ZDHHC15: variants seen among roughly 807,000 people sequenced by gnomAD.
ZDHHC15 encodes palmitoyltransferase ZDHHC15.
ZDHHC15 carries 19 observed loss-of-function variants against 31.7 expected under a neutral mutation model. The observed-to-expected ratio is 0.60, with a 90% CI of 0.42 to 0.88. The LOEUF (loss-of-function observed/expected upper bound fraction) is 0.88, where lower values mean the gene tolerates loss of function less well. Among genes scored for constraint, ZDHHC15 ranks in the 40% least tolerant of loss-of-function variants. ZDHHC15 has a pLI of 0.00. For missense variants in ZDHHC15, 209 were observed against 251.2 expected (o/e 0.83, Z 1.14); for synonymous variants, 103 against 90.0 (o/e 1.14, Z -0.82).
At chrX:75,389,849 T>C (rs760209166) in intron 10 of ZDHHC15, among the ~76,000 whole-genome samples, 17 of 111,894 alleles carry the variant, frequency 1.5e-4, no homozygotes, top group African/African-American at 5.2e-4. Flanking sequence ...TAAAGGAGAC[T>C]TTGACTTGCA....
intron 4 of ZDHHC15, among the ~76,000 whole-genome samples, chrX:75,435,896 G>A (rs2083844937): frequency 8.9e-6 from 1 of 111,813 alleles, no homozygotes; most frequent in Admixed American, 9.5e-5. Flanking sequence ...TCTGTCTTTT[G>A]GAATAGTTTC....
rs953223579 is a variant in ZDHHC15, at chrX:75,488,467, T to C, written c.164-9482A>G. Among the ~76,000 whole-genome samples, 9 of 112,209 alleles carry C rather than the reference T, an allele frequency of 8.0e-5. No homozygotes were observed. The South Asian group carries it at 1.1e-3, about 14-fold the overall frequency. ...ATAAAGGCTTTTTCACAAAAACAAA[T>C]GCTGAGAGAATTTGCCATTACCAAG... On this transcript the variant is annotated intron_variant, in intron 2 of 11. Transcript: ENST00000373367.
Position 75,397,726 on chromosome X carries a change from T to G in ZDHHC15, c.968-18528A>C, listed in dbSNP as rs143614621. On this transcript the variant is annotated intron_variant, in intron 10 of 11. Transcript: ENST00000373367. ...ATTCAGGTACTCACATTGGGATTAA[T>G]CTAGGAAACAACTTGACCCACAGAG... Among the ~76,000 whole-genome samples, 887 of 110,790 alleles carry G rather than the reference T, an allele frequency of 8.0e-3. 11 individuals carry two copies. The highest frequency in any genetic ancestry group is 0.027 in the African/African-American group (820 of 30,416).
intron 4 of ZDHHC15, among the ~76,000 whole-genome samples, chrX:75,442,881 G>A (rs1309388268): frequency 9.4e-6 from 1 of 106,685 alleles, no homozygotes; most frequent in Non-Finnish European, 1.9e-5. Flanking sequence ...AGCTACTCGG[G>A]AGGCTGAGGC....
At chrX:75,514,273 A>G in intron 1 of ZDHHC15, among the ~76,000 whole-genome samples, 1 of 112,909 alleles carries the variant, frequency 8.9e-6, no homozygotes, top group African/African-American at 3.2e-5. Flanking sequence ...TTTAAAGGAA[A>G]AAATGCATAA....
chrX:75,390,804 C>T (rs1345362558), intron 10 of ZDHHC15, among the ~76,000 whole-genome samples: 1 of 111,610 alleles, frequency 9.0e-6, no homozygotes, highest in Non-Finnish European at 1.9e-5. Flanking sequence ...TCTTCAATGC[C>T]TAGACACTGA....
chrX:75,423,933 C>A (rs1183521525), intron 8 of ZDHHC15, among the ~76,000 whole-genome samples: 1 of 111,089 alleles, frequency 9.0e-6, no homozygotes, highest in Non-Finnish European at 1.9e-5. Flanking sequence ...GACACTTTGT[C>A]CTCACTCCTC....
chrX:75,501,866 C>T (rs1415178603), intron 2 of ZDHHC15: 1 of 111,359 alleles, frequency 9.0e-6, no homozygotes, highest in Non-Finnish European at 1.9e-5. Context: ...GCATAGTTTG[C>T]AAAAATTTTC....
intron 2 of ZDHHC15, among the ~76,000 whole-genome samples, chrX:75,488,050 T>C (rs1234745181): frequency 8.9e-6 from 1 of 112,259 alleles, no homozygotes; most frequent in African/African-American, 3.2e-5. Context: ...AACATAAGAA[T>C]AACTGTTGTT....
At chrX:75,441,238 T>G (rs1026373462) in intron 4 of ZDHHC15, among the ~76,000 whole-genome samples, 1 of 111,665 alleles carries the variant, frequency 9.0e-6, no homozygotes, top group African/African-American at 3.3e-5. Flanking sequence ...ATTACAAAGC[T>G]CAGCTGTGAG....
At chrX:75,491,400 C>T (rs1160236624) in intron 2 of ZDHHC15, among the ~76,000 whole-genome samples, 1 of 100,104 alleles carries the variant, frequency 1.0e-5, no homozygotes, top group Non-Finnish European at 2.0e-5. Context: ...ACCGCATATT[C>T]TCACTCATAG....
intron 3 of ZDHHC15, among the ~76,000 whole-genome samples, chrX:75,471,542 G>A (rs2084503312): frequency 8.9e-6 from 1 of 112,275 alleles, no homozygotes; most frequent in Non-Finnish European, 1.9e-5. Context: ...AGGATAAGTT[G>A]CTGCATTTGG....
At chrX:75,397,006 G>T (rs1009756919) in intron 10 of ZDHHC15, among the ~76,000 whole-genome samples, 11 of 110,868 alleles carry the variant, frequency 9.9e-5, no homozygotes, top group Non-Finnish European at 1.9e-4. Flanking sequence ...GTGTTTGGGG[G>T]TCGGGGAAGT....
chrX:75,397,509 A>G (rs1385856644), intron 10 of ZDHHC15, among the ~76,000 whole-genome samples: 1 of 103,479 alleles, frequency 9.7e-6, no homozygotes, highest in African/African-American at 3.4e-5. Flanking sequence ...CCATAAATAT[A>G]TACACCTAGT....
At chrX:75,509,026 C>A (rs1602756352) in intron 1 of ZDHHC15, among the ~76,000 whole-genome samples, 2 of 110,844 alleles carry the variant, frequency 1.8e-5, no homozygotes, top group South Asian at 7.6e-4. Context: ...TGTTTGAGTT[C>A]TTTGTAGATT....
chrX:75,422,952 C>T (rs1477723314), intron 8 of ZDHHC15, among the ~76,000 whole-genome samples: 1 of 65,844 alleles, frequency 1.5e-5, no homozygotes, highest in Non-Finnish European at 2.7e-5. Context: ...CTATCCCTCC[C>T]CCCTCCCCCC....
intron 3 of ZDHHC15, among the ~76,000 whole-genome samples, chrX:75,460,785 G>T (rs2084300944): frequency 9.0e-6 from 1 of 111,670 alleles, no homozygotes; most frequent in African/African-American, 3.3e-5. Context: ...CTTATTCAAA[G>T]GTCAGCAACC....
chrX:75,423,598 G>A (rs968869047), intron 8 of ZDHHC15, among the ~76,000 whole-genome samples: 1 of 99,730 alleles, frequency 1.0e-5, no homozygotes, highest in South Asian at 5.1e-4. Context: ...GTTTGCCATT[G>A]ATGGACCTTT....
intron 1 of ZDHHC15, among the ~76,000 whole-genome samples, chrX:75,508,832 C>T (rs181498100): frequency 1.1e-3 from 124 of 110,944 alleles, no homozygotes; most frequent in Middle Eastern, 9.3e-3. Flanking sequence ...TTTTAATTAA[C>T]GCCATTCTAA....
Sources: allele counts gnomAD v4.1 joint callset (sites outside exome capture counted in the v4.1 genomes callset), GRCh38; gene constraint gnomAD v4.1.1; transcripts MANE v1.5; gene names NCBI Gene and HGNC (gene_info 2026-07-23, HGNC 2026-07-21).